PRMT2: variants seen among roughly 807,000 people sequenced by gnomAD.
PRMT2 encodes the protein protein arginine N-methyltransferase 2.
A neutral mutation model predicts 57.6 loss-of-function variants in PRMT2; 26 were observed. That is an observed-to-expected ratio of 0.45 (90% CI 0.33 to 0.63). The LOEUF (loss-of-function observed/expected upper bound fraction) is 0.63. PRMT2 is among the 20% of genes least tolerant of loss of function. PRMT2 has a pLI of 0.02. For missense variants in PRMT2, 472 were observed against 564.4 expected, an observed-to-expected ratio of 0.84 and a Z score of 1.66; for synonymous variants, 219 against 220.0, an observed-to-expected ratio of 1.00 and a Z score of 0.04.
intron 3 of PRMT2, among the ~76,000 whole-genome samples, chr21:46,639,889 T>C (rs2061241457): frequency 6.6e-6 from 1 of 152,342 alleles, no homozygotes; most frequent in Middle Eastern, 3.4e-3. Context: ...TTATGACGAA[T>C]GTGATGAAGT....
At chr21:46,653,350 T>C in intron 7 of PRMT2, 3 of 985,438 alleles carry the variant, frequency 3.0e-6, no homozygotes, top group Non-Finnish European at 3.6e-6. Context: ...CCAATAACAC[T>C]TCAGACTTCG....
At chr21:46,644,573 C>T in intron 5 of PRMT2, 85 bp downstream of exon 5, 2 of 1,376,136 alleles carry the variant, frequency 1.5e-6, no homozygotes, top group Non-Finnish European at 9.8e-7. Flanking sequence ...CAGAGCAGGC[C>T]CATAGTCTTA....
In PRMT2 at chr21:46,664,299, G is replaced by T. The variant is rs778985136; in HGVS notation, c.1274G>T (p.Gly425Val). The change falls in exon 12 of 12, where the codon GGA becomes GTA. Residue 425 changes from glycine to valine, a missense_variant. Around this residue, in one of 2 missense-constraint regions of PRMT2, gnomAD observed 229 missense variants for 217.2 expected, o/e 1.05. Transcript: ENST00000355680. ...SRQDPTSQKV[G>V]EKVFPIWR ...GTTGTCATTTATCTTTTTCAGGTTG[G>T]AGAAAAAGTCTTCCCCATCTGGAGA... 1 of 1,611,772 alleles carries T rather than the reference G, an allele frequency of 6.2e-7. No homozygotes were observed.
chr21:46,647,825 C>T (rs1172653383), intron 5 of PRMT2, among the ~76,000 whole-genome samples: 4 of 152,226 alleles, frequency 2.6e-5, no homozygotes, highest in African/African-American at 4.8e-5. Context: ...TGATGTGAAA[C>T]GGTGCGTTTG....
chr21:46,646,723 T>C (rs912086226), intron 5 of PRMT2, among the ~76,000 whole-genome samples: 5 of 152,230 alleles, frequency 3.3e-5, no homozygotes, highest in Admixed American at 1.3e-4. Flanking sequence ...CTACGGGGTG[T>C]GTGTGTGTAG....
chr21:46,661,590 C>T (rs1480002381), intron 9 of PRMT2: 6 of 395,442 alleles, frequency 1.5e-5, no homozygotes, highest in Non-Finnish European at 1.7e-5. Flanking sequence ...GAAAATTGGG[C>T]GCAAGAAGCT....
chr21:46,664,246 A>G (rs2061671412), intron 11 of PRMT2, 49 bp from the exon 12 acceptor site: 3 of 1,453,264 alleles, frequency 2.1e-6, no homozygotes, highest in Non-Finnish European at 2.9e-6. Flanking sequence ...TAGTATGTTA[A>G]TCAAATGATT....
At chr21:46,650,544 A>C (rs2061433756) in intron 7 of PRMT2, among the ~76,000 whole-genome samples, 1 of 152,210 alleles carries the variant, frequency 6.6e-6, no homozygotes, top group African/African-American at 2.4e-5. Context: ...TGGCTTATTA[A>C]TAACATCTGT....
chr21:46,653,656 T>A, intron 7 of PRMT2: 1 of 1,242,334 alleles, frequency 8.0e-7, no homozygotes, highest in Non-Finnish European at 1.0e-6. Flanking sequence ...TTGGTTGCAT[T>A]CCCTGGAGCT....
intron 7 of PRMT2, chr21:46,654,200 C>A: frequency 1.1e-6 from 1 of 899,598 alleles, no homozygotes; most frequent in Non-Finnish European, 1.3e-6. Flanking sequence ...TTCATGGCAG[C>A]ACCGTTTAAA....
At chr21:46,652,176 C>G in intron 7 of PRMT2, 1 of 1,422,698 alleles carries the variant, frequency 7.0e-7, no homozygotes, top group Non-Finnish European at 9.2e-7. Context: ...TAAAATAAAC[C>G]TCAGATGGGC....
intron 4 of PRMT2, 46 bp downstream of exon 4, chr21:46,643,685 A>G: frequency 6.4e-7 from 1 of 1,553,888 alleles, no homozygotes; most frequent in Non-Finnish European, 8.7e-7. Context: ...CAGCATGTTC[A>G]GTGTCAAAAG....
intron 11 of PRMT2, 88 bp from the exon 12 acceptor site, chr21:46,664,207 C>G (rs2061670586): frequency 8.4e-7 from 1 of 1,193,958 alleles, no homozygotes; most frequent in Non-Finnish European, 1.2e-6. Flanking sequence ...ATACTGTTCT[C>G]TTGTCCAATA....
In PRMT2 at chr21:46,649,834, G is replaced by A. The variant is rs982417763; in HGVS notation, c.654+95G>A. On this transcript the variant is annotated intron_variant, in intron 7 of 11. Coordinates refer to ENST00000355680, the MANE Select transcript of PRMT2 (RefSeq NM_206962.4). This position sits in a 1 kb window ranked among gnomAD's most constrained non-coding sequence, Gnocchi z 4.8. Reference sequence around the variant, plus strand: ...AACCTCAGGATCTCAAGGGTCGTGCGTGATTCATTTTGATGTTTTCCCTAA... The same window carrying A: ...AACCTCAGGATCTCAAGGGTCGTGCATGATTCATTTTGATGTTTTCCCTAA... 46 of 1,538,580 alleles carry A rather than the reference G, an allele frequency of 3.0e-5. No homozygotes were observed. The highest frequency in any genetic ancestry group is 3.3e-5 in the Non-Finnish European group (37 of 1,136,262).
Position 46,644,358 on chromosome 21 carries a change from A to G in PRMT2, c.197A>G (p.Asp66Gly). Reference protein sequence around the residue: ...KILILRQTTADWWWGERAGCC... With the variant: ...KILILRQTTAGWWWGERAGCC... ...CTTATCCTGAGACAAACCACTGCAG[A>G]TTGGTGGTGGGGTGAGCGTGCGGGC... The change falls in exon 5 of 12, where the codon GAT becomes GGT. Residue 66 changes from aspartate (D) to glycine (G), a missense_variant. By Grantham distance (94) the Asp-to-Gly change is moderately conservative. This residue lies in a region of PRMT2 where 243 missense variants were observed against 347.2 expected (regional missense o/e 0.70). Transcript: ENST00000355680. 4.3e-6 allele frequency: 7 copies of G among 1,611,366 alleles called. No homozygotes were observed. The highest frequency in any genetic ancestry group is 5.9e-6 in the Non-Finnish European group (7 of 1,179,132).
intron 7 of PRMT2, chr21:46,656,721 ACCT>A (rs1235821888): frequency 6.6e-6 from 1 of 151,948 alleles, no homozygotes; most frequent in Non-Finnish European, 1.5e-5. Flanking sequence ...AAAACTATAA[ACCT>A]CCTTGAAAAA....
intron 3 of PRMT2, 21 bp downstream of exon 3, chr21:46,637,011 T>TA (rs750344643): frequency 5.6e-6 from 9 of 1,612,136 alleles, no homozygotes; most frequent in Non-Finnish European, 6.8e-6. Flanking sequence ...TTCCACTTCC[T>TA]AAAAATCTGT....
chr21:46,654,430 C>G (rs1229726001), intron 7 of PRMT2, among the ~76,000 whole-genome samples: 1 of 152,146 alleles, frequency 6.6e-6, no homozygotes, highest in Non-Finnish European at 1.5e-5. Context: ...AGAAGGCATA[C>G]TCCTTTCATG....
At chr21:46,659,519 C>T (rs546483271) in intron 8 of PRMT2, 14 of 968,998 alleles carry the variant, frequency 1.4e-5, no homozygotes, top group Non-Finnish European at 1.7e-5. Flanking sequence ...AACAGGCAAA[C>T]CGCAAAAAAT....
Sources: allele counts gnomAD v4.1 joint callset (sites outside exome capture counted in the v4.1 genomes callset), GRCh38; gene constraint gnomAD v4.1.1; regional missense constraint gnomAD v4.1.1; non-coding constraint Gnocchi (gnomAD v3.1); transcripts MANE v1.5; gene names NCBI Gene and HGNC (gene_info 2026-07-23, HGNC 2026-07-21).